TNRC6B: variants seen among roughly 807,000 people sequenced by gnomAD.
The protein encoded by TNRC6B is trinucleotide repeat-containing gene 6B protein.
TNRC6B carries 52 observed loss-of-function variants against 203.6 expected under a neutral mutation model. The ratio of observed to expected loss-of-function variants is 0.26; its 90% CI spans 0.20 to 0.32. The LOEUF (loss-of-function observed/expected upper bound fraction) is 0.32. TNRC6B is among the 10% of genes least tolerant of loss of function. The pLI is 1.00. For synonymous variants in TNRC6B, 838 were observed against 845.7 expected, an observed-to-expected ratio of 0.99 and a Z score of 0.16; for missense variants, 1,923 against 2,286.2, an observed-to-expected ratio of 0.84 and a Z score of 3.24.
chr22:40,199,826 C>T (rs888498616), intron 1 of TNRC6B, among the ~76,000 whole-genome samples: 21 of 151,984 alleles, frequency 1.4e-4, no homozygotes, highest in Non-Finnish European at 1.5e-5. Context: ...CAGAGTCTGG[C>T]TCTGTCGCCC....
In TNRC6B at chr22:40,266,581, G is replaced by A. The variant is rs188361271; in HGVS notation, c.2351G>A (p.Gly784Asp). The A allele has an allele frequency of 1.2e-6, 2 of 1,613,222 alleles. No homozygotes were observed. The highest frequency in any genetic ancestry group is 1.7e-6 in the Non-Finnish European group (2 of 1,179,514). The change falls in exon 5 of 23, where the codon GGT (glycine) becomes GAT (aspartate). Residue 784 changes from glycine to aspartate, a missense_variant. Physicochemically the swap from Gly to Asp is moderately conservative, Grantham distance 94 (BLOSUM62 -1). This residue lies in a region of TNRC6B where 599 missense variants were observed against 656.5 expected (regional missense o/e 0.91). Coordinates refer to ENST00000454349, the MANE Select transcript of TNRC6B (RefSeq NM_001162501.2). ...GGGCAGAATGAAATCGGGACTTGGGGTAATGGTGGCAATGCAAGCCTAGCT... is the reference window on the plus strand; with the variant it reads ...GGGCAGAATGAAATCGGGACTTGGGATAATGGTGGCAATGCAAGCCTAGCT... ...EGGQNEIGTWGNGGNASLASK... is the reference protein window; with the variant it reads ...EGGQNEIGTWDNGGNASLASK...
intron 1 of TNRC6B, among the ~76,000 whole-genome samples, chr22:40,202,266 T>G (rs7291407): frequency 4.2e-5 from 3 of 72,026 alleles, no homozygotes; most frequent in Non-Finnish European, 7.5e-5. Flanking sequence ...TTTTGTTTTT[T>G]TTTTTTTTGC....
chr22:40,239,479 A>G (rs186302743), intron 1 of TNRC6B, among the ~76,000 whole-genome samples: 65 of 152,298 alleles, frequency 4.3e-4, no homozygotes, highest in South Asian at 1.4e-3. Flanking sequence ...GTTTCTCTAG[A>G]GTTGGAGTTA....
At chr22:40,132,969 A>AAAAAAAAAT (rs1282694632) in intron 3 of TNRC6B, among the ~76,000 whole-genome samples, 2 of 78,174 alleles carry the variant, frequency 2.6e-5, no homozygotes, top group Admixed American at 1.9e-4. Context: ...AAAAAAAAAA[A>AAAAAAAAAT]ATATATATAT....
At chr22:40,163,218 A>G (rs2068885211) in intron 4 of TNRC6B, among the ~76,000 whole-genome samples, 1 of 151,326 alleles carries the variant, frequency 6.6e-6, no homozygotes, top group African/African-American at 2.4e-5. Flanking sequence ...ATTAGAGAAC[A>G]GCCTGGGCAA....
At chr22:40,098,409 A>AAAAG (rs1441449911) in intron 1 of TNRC6B, among the ~76,000 whole-genome samples, 3 of 149,516 alleles carry the variant, frequency 2.0e-5, no homozygotes, top group African/African-American at 7.4e-5. Flanking sequence ...AAAAAAAAAA[A>AAAAG]GGGAATTACT....
chr22:40,256,190 A>C (rs1446213658), intron 3 of TNRC6B, among the ~76,000 whole-genome samples: 1 of 152,206 alleles, frequency 6.6e-6, no homozygotes, highest in Non-Finnish European at 1.5e-5. Context: ...TGATAAGTTC[A>C]TTCTTTGAGG....
At chr22:40,174,122 T>TA (rs2069033167), upstream of TNRC6B, among the ~76,000 whole-genome samples, 2 of 151,464 alleles carry the variant, frequency 1.3e-5, no homozygotes, top group African/African-American at 2.4e-5. Flanking sequence ...TTGAGTTAAA[T>TA]ACTCAGTTCA....
chr22:40,307,829 T>C (rs1049149548), intron 15 of TNRC6B, among the ~76,000 whole-genome samples: 2 of 152,162 alleles, frequency 1.3e-5, no homozygotes, highest in Non-Finnish European at 2.9e-5. Flanking sequence ...ATACTAGTTA[T>C]CCTCTTACAT....
intron 15 of TNRC6B, among the ~76,000 whole-genome samples, chr22:40,308,264 T>C (rs1422900429): frequency 6.6e-6 from 1 of 152,220 alleles, no homozygotes; most frequent in East Asian, 1.9e-4. Context: ...AAAAAGGGCG[T>C]GCAGGAATGC....
intron 1 of TNRC6B, among the ~76,000 whole-genome samples, chr22:40,113,761 TC>T (rs2068363292): frequency 6.6e-6 from 1 of 152,176 alleles, no homozygotes; most frequent in Admixed American, 6.5e-5. Context: ...GGTGGTACCC[TC>T]CTGTCTGCCA....
intron 4 of TNRC6B, among the ~76,000 whole-genome samples, chr22:40,159,749 T>C (rs2068855393): frequency 6.6e-6 from 1 of 152,284 alleles, no homozygotes; most frequent in Admixed American, 6.5e-5. Flanking sequence ...ATTAAATTGA[T>C]TTTTCTCCCA....
intron 2 of TNRC6B, among the ~76,000 whole-genome samples, chr22:40,250,832 A>AT (rs2070181209): frequency 6.6e-6 from 1 of 151,752 alleles, no homozygotes; most frequent in Non-Finnish European, 1.5e-5. Context: ...TCTATGGCTA[A>AT]TTTAGTTTCT....
intron 9 of TNRC6B, among the ~76,000 whole-genome samples, chr22:40,278,464 A>G (rs2146519446): frequency 6.6e-6 from 1 of 151,718 alleles, no homozygotes; most frequent in East Asian, 2.0e-4. Flanking sequence ...AGGCTGAGGC[A>G]GGAGAATGGC....
At chr22:40,112,152 T>C (rs2146313830) in intron 1 of TNRC6B, among the ~76,000 whole-genome samples, 1 of 151,888 alleles carries the variant, frequency 6.6e-6, no homozygotes, top group African/African-American at 2.4e-5. Context: ...AAGGGAGGTG[T>C]GGACTCCGGA....
At chr22:40,153,999 G>T (rs186469923) in intron 3 of TNRC6B, among the ~76,000 whole-genome samples, 1 of 150,520 alleles carries the variant, frequency 6.6e-6, no homozygotes, top group Non-Finnish European at 1.5e-5. Context: ...AAGACTTAGG[G>T]TCTCGCTGTG....
intron 11 of TNRC6B, among the ~76,000 whole-genome samples, chr22:40,283,656 T>C (rs1481930569): frequency 3.3e-5 from 5 of 152,166 alleles, no homozygotes; most frequent in Admixed American, 6.5e-5. Flanking sequence ...ACCTATATTA[T>C]TGTCCATTCC....
intron 1 of TNRC6B, among the ~76,000 whole-genome samples, chr22:40,243,247 GACTC>G (rs1569035458): frequency 6.6e-6 from 1 of 152,174 alleles, no homozygotes; most frequent in Admixed American, 6.5e-5. Flanking sequence ...AAAAAGGTGA[GACTC>G]ACACTATTTG....
At chr22:40,147,605 G>A (rs902405250) in intron 3 of TNRC6B, among the ~76,000 whole-genome samples, 7 of 152,208 alleles carry the variant, frequency 4.6e-5, no homozygotes, top group Non-Finnish European at 8.8e-5. Flanking sequence ...GCGACAGTGC[G>A]TCCCTGACAA....
Sources: gnomAD v4.1 joint callset for allele counts (sites outside exome capture counted in the v4.1 genomes callset) on GRCh38, gnomAD v4.1.1 for gene constraint, gnomAD v4.1.1 regional missense constraint, MANE v1.5 for transcripts, NCBI Gene and HGNC (gene_info 2026-07-23, HGNC 2026-07-21) for gene names.